The following POLL variants were observed in gnomAD, a reference collection of about 807,000 sequenced individuals.
POLL encodes DNA polymerase lambda.
POLL carries 44 observed loss-of-function variants against 58.1 expected under a neutral mutation model. The observed-to-expected ratio is 0.76, with a 90% CI of 0.60 to 0.97. The LOEUF (loss-of-function observed/expected upper bound fraction) is 0.97, where lower values mean the gene tolerates loss of function less well. Ranked by LOEUF, POLL falls within the 50% of genes least tolerant of loss-of-function variation. The pLI, the probability that POLL is intolerant of heterozygous loss-of-function variation, is 0.00. For missense variants in POLL, 632 were observed against 736.8 expected (o/e 0.86, Z 1.65); for synonymous variants, 290 against 283.2 (o/e 1.02, Z -0.24).
At position 101,587,816 on chromosome 10, in the gene POLL, C is replaced by G; in HGVS notation, c.-47+6G>C. The G allele has an allele frequency of 8.4e-7, 1 of 1,189,844 alleles. No individual in the cohort carries two copies. The highest frequency in any genetic ancestry group is 1.1e-6 in the Non-Finnish European group (1 of 942,328). 73.7% of individuals were successfully genotyped at this position (1,189,844 alleles called of 1,614,324 possible). On this transcript the variant is annotated splice_donor_region_variant and intron_variant, in intron 1 of 8. Coordinates refer to ENST00000370162, the MANE Select transcript of POLL (RefSeq NM_001174084.2). Reference sequence around the variant, plus strand: ...TGCACATAAACCCCACATACTATTTCTCTACCTCCAACACAGACTCGCAGA... The same window carrying G: ...TGCACATAAACCCCACATACTATTTGTCTACCTCCAACACAGACTCGCAGA...
chr10:101,585,005 G>T (rs79821454), intron 4 of POLL, 86 bp from the exon 5 acceptor site: 12 of 886,690 alleles, frequency 1.4e-5, no homozygotes, highest in Non-Finnish European at 1.9e-5. Context: ...TTCTTTGTGC[G>T]GGGGGAGGGT....
rs774747704 is a variant in POLL, at chr10:101,584,778, A to G, written c.715T>C (p.Trp239Arg). 2.2e-5 allele frequency: 35 copies of G among 1,612,118 alleles called. No individual in the cohort carries two copies. In the East Asian group the frequency reaches 7.6e-4, roughly 35 times the overall value. The change falls in exon 5 of 9, where the codon TGG (tryptophan) becomes CGG (arginine). Residue 239 changes from tryptophan (W) to arginine (R), a missense_variant. Coordinates refer to ENST00000370162, the MANE Select transcript of POLL (RefSeq NM_001174084.2). The stretch of plus-strand genomic sequence containing the variant: ...TGGCTTGAGGGCTGTGCACAGACCC[A>G]CTTATCCAGGACAGCAGGGGCTGGG... ...PSPAPAVLDK[W>R]VCAQPSSQKA...
At chr10:101,585,005 G>C (rs79821454) in intron 4 of POLL, 86 bp from the exon 5 acceptor site, 8 of 886,690 alleles carry the variant, frequency 9.0e-6, no homozygotes, top group South Asian at 2.8e-5. Flanking sequence ...TTCTTTGTGC[G>C]GGGGGAGGGT....
chr10:101,584,758 T>G lies in POLL; in HGVS notation c.735A>C (p.Ser245=). The change falls in exon 5 of 9, where the codon TCA becomes TCC. Residue 245 remains serine, a synonymous_variant. Coordinates refer to ENST00000370162, the MANE Select transcript of POLL (RefSeq NM_001174084.2). The stretch of plus-strand genomic sequence containing the variant: ...GGTTGTGATTGGTCGCCTTCTGGCT[T>G]GAGGGCTGTGCACAGACCCACTTAT... The part of the protein sequence containing the change: ...VLDKWVCAQP[S]SQKATNHNLH... The G allele has an allele frequency of 1.2e-6, 2 of 1,614,038 alleles. No individual in the cohort carries two copies. Among genetic ancestry groups the G allele is most frequent in the Non-Finnish European group, 1.7e-6 (2 of 1,179,970 alleles).
intron 7 of POLL, 24 bp downstream of exon 7, chr10:101,582,739 C>T: frequency 6.2e-7 from 1 of 1,609,888 alleles, no homozygotes; most frequent in Non-Finnish European, 8.5e-7. Flanking sequence ...TGGCTGTCCT[C>T]ACTGCTCTGG....
At chr10:101,584,119 A>C (rs1352389827) in intron 5 of POLL, among the ~76,000 whole-genome samples, 2 of 152,212 alleles carry the variant, frequency 1.3e-5, no homozygotes, top group Admixed American at 6.5e-5. Flanking sequence ...TCACACAGTT[A>C]GTGAATGACA....
chr10:101,585,880 C>T lies in POLL; in HGVS notation c.392G>A (p.Ser131Asn). 1.3e-6 allele frequency: 2 copies of T among 1,582,392 alleles called. No homozygotes were observed. The highest frequency in any genetic ancestry group is 1.7e-6 in the Non-Finnish European group (2 of 1,156,946). ...AGCCCACCTACTGGGGATGAAGATG[C>T]TGAATCCAGCTACATCCACCAGCCT... ...ERRLVDVAGF[S>N]IFIPSRYLDH... is the part of the protein sequence containing the mutation. The change falls in exon 3 of 9, where the codon AGC becomes AAC. Residue 131 changes from serine (S) to asparagine (N), a missense_variant. Physicochemically the swap from Ser to Asn is conservative, Grantham distance 46. Coordinates refer to ENST00000370162, the MANE Select transcript of POLL (RefSeq NM_001174084.2).
chr10:101,579,252 G>A lies in POLL; in HGVS notation c.*201C>T. ...GGCAGCCTGCTCCTGTCTGGGAGAG[G>A]GCTGGGCAGACACTGGGAGCCGGGC... is the stretch of plus-strand genomic sequence containing the variant. On this transcript the variant is annotated 3_prime_UTR_variant, in exon 9 of 9. Transcript: ENST00000370162. The surrounding 1 kb of genome is among the most constrained non-coding windows in gnomAD (Gnocchi z 4.4). 1.6e-6 allele frequency: 1 copy of A among 620,922 alleles called. No homozygotes were observed. The allele number at this position is 620,922 out of a possible 1,614,324, so 38.5% of individuals were successfully genotyped here.
Position 101,587,333 on chromosome 10 carries a change from A to G in POLL, c.28T>C (p.Phe10Leu). Residue 10 changes from phenylalanine to leucine, a missense_variant, in exon 2 of 9, where the codon TTT becomes CTT. Phe to Leu is a conservative substitution (Grantham distance 22, BLOSUM62 0). Coordinates refer to ENST00000370162, the MANE Select transcript of POLL (RefSeq NM_001174084.2). Reference protein sequence around the residue: MDPRGILKAFPKRQKIHADA... With the variant: MDPRGILKALPKRQKIHADA... ...GCATGAATTTTCTGCCGCTTGGGAA[A>G]TGCCTTCAAGATACCCCTGGGATCC... 3 of 1,614,166 alleles carry G rather than the reference A, an allele frequency of 1.9e-6. No homozygotes were observed. The highest frequency in any genetic ancestry group is 2.5e-6 in the Non-Finnish European group (3 of 1,180,028).
Position 101,582,894 on chromosome 10 carries a change from G to A in POLL, c.1066-3C>T. The A allele has an allele frequency of 6.2e-7, 1 of 1,614,142 alleles. No individual in the cohort carries two copies. The highest frequency in any genetic ancestry group is 8.5e-7 in the Non-Finnish European group (1 of 1,180,028). On this transcript the variant is annotated splice_region_variant and splice_polypyrimidine_tract_variant and intron_variant, in intron 6 of 8. Transcript: ENST00000370162. ...ATGTCTTCCAGACTTCGGAAGCCCT[G>A]GAAAAAAGCAGCCAGATGGGAAGCT...
In POLL at chr10:101,580,236, TG is replaced by T; in HGVS notation, c.1363+11del. On this transcript the variant is annotated intron_variant, in intron 8 of 8. Coordinates refer to ENST00000370162, the MANE Select transcript of POLL (RefSeq NM_001174084.2). The surrounding 1 kb of genome is among the most constrained non-coding windows in gnomAD (Gnocchi z 4.1). ...CTCTGTCAACCTGCTCACCCAGAGA[TG>T]GAGCTTATACCTTCCTGCCGAAGAC... 1 of 1,608,376 alleles carries T rather than the reference TG, an allele frequency of 6.2e-7. No individual in the cohort carries two copies. Among genetic ancestry groups the T allele is most frequent in the Non-Finnish European group, 8.5e-7 (1 of 1,176,554 alleles).
At position 101,579,992 on chromosome 10, in the gene POLL, C is replaced by T. The variant is rs904137260; in HGVS notation, c.1364-175G>A. ...AACATGGATAGTAATTCCCATCTCCCCCATAGTGTCACAGAAAGATCAGAT... is the reference window on the plus strand; with the variant it reads ...AACATGGATAGTAATTCCCATCTCCTCCATAGTGTCACAGAAAGATCAGAT... On this transcript the variant is annotated intron_variant, in intron 8 of 8. Coordinates refer to ENST00000370162, the MANE Select transcript of POLL (RefSeq NM_001174084.2). This position sits in a 1 kb window ranked among gnomAD's most constrained non-coding sequence, Gnocchi z 4.4. 6 of 753,888 alleles carry T rather than the reference C, an allele frequency of 8.0e-6. No homozygotes were observed. The Admixed American group carries it at 1.5e-4, about 18-fold the overall frequency. The allele number at this position is 753,888 out of a possible 1,614,324, so 46.7% of individuals were successfully genotyped here.
At chr10:101,586,872 G>A (rs971705231) in intron 2 of POLL, among the ~76,000 whole-genome samples, 6 of 152,092 alleles carry the variant, frequency 3.9e-5, no homozygotes, top group African/African-American at 7.2e-5. Context: ...TGACAGACCC[G>A]ACAACCCTGC....
chr10:101,580,134 C>T lies in POLL; in HGVS notation c.1363+114G>A. 2 of 956,796 alleles carry T rather than the reference C, an allele frequency of 2.1e-6. No individual in the cohort carries two copies. Among genetic ancestry groups the T allele is most frequent in the Non-Finnish European group, 3.2e-6 (2 of 628,022 alleles). 59.3% of individuals were successfully genotyped at this position (956,796 alleles called of 1,614,324 possible). On this transcript the variant is annotated intron_variant, in intron 8 of 8. Transcript: ENST00000370162. This position sits in a 1 kb window ranked among gnomAD's most constrained non-coding sequence, Gnocchi z 4.1. ...AGAGAGATGGGATGCTGGCAAAGCA[C>T]TGTTCCCCTGCTTCCTGCCTCAGGA...
At chr10:101,581,842 G>A (rs775454213) in intron 7 of POLL, 4 of 148,110 alleles carry the variant, frequency 2.7e-5, no homozygotes, top group Non-Finnish European at 5.9e-5. Flanking sequence ...GTCTTGCTCT[G>A]TTGCCCAGGC....
At chr10:101,586,371 C>G (rs1213477643) in intron 2 of POLL, among the ~76,000 whole-genome samples, 1 of 152,252 alleles carries the variant, frequency 6.6e-6, no homozygotes, top group African/African-American at 2.4e-5. Flanking sequence ...CAAGGATTTT[C>G]ATACGTCCTG....
chr10:101,584,447 C>T (rs1178388558), intron 5 of POLL, among the ~76,000 whole-genome samples, 155 bp downstream of exon 5: 1 of 152,230 alleles, frequency 6.6e-6, no homozygotes, highest in Non-Finnish European at 1.5e-5. Flanking sequence ...CAACAACTAT[C>T]AAGATTTTGC....
Position 101,585,445 on chromosome 10 carries a change from C to G in POLL, c.444G>C (p.Glu148Asp). The G allele has an allele frequency of 1.9e-6, 3 of 1,586,500 alleles. No homozygotes were observed. The highest frequency in any genetic ancestry group is 2.6e-6 in the Non-Finnish European group (3 of 1,167,766). The change falls in exon 4 of 9, where the codon GAG becomes GAC. Residue 148 changes from glutamate to aspartate, a missense_variant. Transcript: ENST00000370162. ...TGCCAGGAGGAATAGAAGCATCCTGCTCTGCCTTGCTGGGCTGTGGATGGT... is the reference window on the plus strand; with the variant it reads ...TGCCAGGAGGAATAGAAGCATCCTGGTCTGCCTTGCTGGGCTGTGGATGGT... ...YLDHPQPSKAEQDASIPPGTH... is the reference protein window; with the variant it reads ...YLDHPQPSKADQDASIPPGTH...
chr10:101,586,221 C>G, intron 2 of POLL, 65 bp from the exon 3 acceptor site: 1 of 1,403,566 alleles, frequency 7.1e-7, no homozygotes, highest in South Asian at 1.3e-5. Flanking sequence ...CACCCCCTGG[C>G]CACGACATAA....
Sources: allele counts gnomAD v4.1 joint callset (sites outside exome capture counted in the v4.1 genomes callset), GRCh38; gene constraint gnomAD v4.1.1; non-coding constraint Gnocchi (gnomAD v3.1); transcripts MANE v1.5; gene names NCBI Gene and HGNC (gene_info 2026-07-23, HGNC 2026-07-21).